The following NYAP2 variants were observed in gnomAD, a reference collection of about 807,000 sequenced individuals.
The protein encoded by NYAP2 is neuronal tyrosine-phosphorylated phosphoinositide-3-kinase adaptor 2, also known as neuronal tyrosine-phosphorylated phosphoinositide-3-kinase adapter 2.
In NYAP2, 23 loss-of-function variants were observed where a neutral mutation model predicts 50.4. The observed-to-expected ratio is 0.46, with a 90% CI of 0.33 to 0.65. The LOEUF is 0.65. Among genes scored for constraint, NYAP2 ranks in the 30% least tolerant of loss-of-function variants. NYAP2 has a pLI of 0.02. For missense variants in NYAP2, 885 were observed against 861.0 expected (o/e 1.03, Z -0.35); for synonymous variants, 394 against 365.2 (o/e 1.08, Z -0.90).
At chr2:225,603,447 A>T (rs1036093) in intron 5 of NYAP2, among the ~76,000 whole-genome samples, 77,737 of 152,010 alleles carry the variant, frequency 0.51, 20,459 homozygotes, top group South Asian at 0.67. Context: ...CAGATTCAGA[A>T]CTGAGCATTT....
At chr2:225,564,578 A>G (rs1248253798) in intron 4 of NYAP2, among the ~76,000 whole-genome samples, 1 of 151,994 alleles carries the variant, frequency 6.6e-6, no homozygotes, top group African/African-American at 2.4e-5. Context: ...AATTGTGCAC[A>G]AACAAAAAAA....
chr2:225,536,431 G>A (rs1453466060), intron 4 of NYAP2, among the ~76,000 whole-genome samples: 1 of 152,188 alleles, frequency 6.6e-6, no homozygotes, highest in Non-Finnish European at 1.5e-5. Context: ...ACTAGGCATT[G>A]CTAGTGGCCA....
intron 4 of NYAP2, among the ~76,000 whole-genome samples, chr2:225,525,139 T>C (rs975045325): frequency 6.6e-6 from 1 of 152,200 alleles, no homozygotes; most frequent in Non-Finnish European, 1.5e-5. Context: ...AGTTGGAATA[T>C]GTATTAGTAC....
At chr2:225,507,638 G>A (rs1690731569) in intron 3 of NYAP2, among the ~76,000 whole-genome samples, 1 of 152,186 alleles carries the variant, frequency 6.6e-6, no homozygotes, top group East Asian at 1.9e-4. Context: ...GAAGTTTTTT[G>A]AGGTTACATG....
At chr2:225,443,489 C>G (rs1046124008) in intron 3 of NYAP2, among the ~76,000 whole-genome samples, 1 of 152,072 alleles carries the variant, frequency 6.6e-6, no homozygotes, top group Non-Finnish European at 1.5e-5. Flanking sequence ...AACCAAGATC[C>G]TTTTACACAT....
At chr2:225,530,528 C>A (rs1447106768) in intron 4 of NYAP2, among the ~76,000 whole-genome samples, 1 of 152,166 alleles carries the variant, frequency 6.6e-6, no homozygotes, top group Non-Finnish European at 1.5e-5. Context: ...TTATGCCTAA[C>A]CCTCTACTAA....
At chr2:225,693,481 C>T in the NYAP2 span, among the ~76,000 whole-genome samples, 1 of 152,006 alleles carries the variant, frequency 6.6e-6, no homozygotes, top group Non-Finnish European at 1.5e-5. Flanking sequence ...TGCCAGGTTT[C>T]TTGTCCGTTT....
At chr2:225,651,780 T>G (rs1299463212) in exon 7 of NYAP2, 1 of 552,140 alleles carries the variant, frequency 1.8e-6, no homozygotes, top group Non-Finnish European at 3.1e-6. Context: ...AAATCGTTTT[T>G]GTCTCTGGTT....
At chr2:225,684,722 T>C in the NYAP2 span, among the ~76,000 whole-genome samples, 3 of 152,220 alleles carry the variant, frequency 2.0e-5, no homozygotes, top group South Asian at 4.2e-4. Context: ...AGATAATTTT[T>C]GTACTTTTTG....
At chr2:225,519,431 C>T (rs1691006400) in intron 4 of NYAP2, among the ~76,000 whole-genome samples, 1 of 120,638 alleles carries the variant, frequency 8.3e-6, no homozygotes, top group Non-Finnish European at 1.6e-5. Flanking sequence ...CTCCCCCCAC[C>T]CCACAACAGT....
chr2:225,425,861 C>T (rs184276353), intron 3 of NYAP2, among the ~76,000 whole-genome samples: 1 of 151,994 alleles, frequency 6.6e-6, no homozygotes, highest in Non-Finnish European at 1.5e-5. Context: ...ATTGGACATA[C>T]ATGTCATATA....
intron 4 of NYAP2, among the ~76,000 whole-genome samples, chr2:225,514,678 C>G (rs1451858260): frequency 6.6e-6 from 1 of 152,108 alleles, no homozygotes; most frequent in Non-Finnish European, 1.5e-5. Context: ...ATTTGGGGAG[C>G]ACAAACATTC....
chr2:225,562,530 T>G (rs1691893595), intron 4 of NYAP2, among the ~76,000 whole-genome samples: 1 of 152,116 alleles, frequency 6.6e-6, no homozygotes, highest in Non-Finnish European at 1.5e-5. Flanking sequence ...AGGATCCATA[T>G]CTCCAAGGTA....
chr2:225,630,810 G>A (rs1171311364), intron 6 of NYAP2, among the ~76,000 whole-genome samples: 2 of 152,202 alleles, frequency 1.3e-5, no homozygotes, highest in East Asian at 1.9e-4. Flanking sequence ...TTAAACTTGG[G>A]TGACTGGGAA....
chr2:225,656,682 A>G (rs1384854137), downstream of NYAP2, among the ~76,000 whole-genome samples: 2 of 152,164 alleles, frequency 1.3e-5, no homozygotes, highest in African/African-American at 2.4e-5. Context: ...ACAGACTTAA[A>G]AAAAGAAGAT....
At chr2:225,649,185 G>A (rs1403674633) in intron 6 of NYAP2, among the ~76,000 whole-genome samples, 1 of 152,126 alleles carries the variant, frequency 6.6e-6, no homozygotes, top group Non-Finnish European at 1.5e-5. Flanking sequence ...TATGAATTTT[G>A]CATGTAATTC....
chr2:225,590,369 A>G (rs1692477479), intron 5 of NYAP2, among the ~76,000 whole-genome samples: 1 of 152,214 alleles, frequency 6.6e-6, no homozygotes, highest in East Asian at 1.9e-4. Flanking sequence ...AGTTCAAAGC[A>G]TGGTAGGCAA....
intron 5 of NYAP2, among the ~76,000 whole-genome samples, chr2:225,592,537 G>A (rs893687277): frequency 6.6e-6 from 1 of 152,102 alleles, no homozygotes; most frequent in Non-Finnish European, 1.5e-5. Flanking sequence ...GAACAAGCTG[G>A]CCTATTGTTA....
At chr2:225,475,498 T>C (rs1010749051) in intron 3 of NYAP2, among the ~76,000 whole-genome samples, 1 of 152,182 alleles carries the variant, frequency 6.6e-6, no homozygotes, top group Non-Finnish European at 1.5e-5. Flanking sequence ...TTAAATAAGG[T>C]AGGGAAAAAC....
Sources: gnomAD v4.1 joint callset for allele counts (sites outside exome capture counted in the v4.1 genomes callset) on GRCh38, gnomAD v4.1.1 for gene constraint, MANE v1.5 for transcripts, NCBI Gene and HGNC (gene_info 2026-07-23, HGNC 2026-07-21) for gene names.